Variants in DLC1 observed in about 807,000 individuals in gnomAD.
DLC1 encodes the protein rho GTPase-activating protein 7.
In DLC1, 54 loss-of-function variants were observed where a neutral mutation model predicts 140.3. The ratio of observed to expected loss-of-function variants is 0.38; its 90% CI spans 0.31 to 0.48. The LOEUF (loss-of-function observed/expected upper bound fraction) is 0.48. Ranked by LOEUF, DLC1 falls within the 20% of genes least tolerant of loss-of-function variation. The pLI, the probability that DLC1 is intolerant of heterozygous loss-of-function variation, is 0.96. For synonymous variants in DLC1, 986 were observed against 728.1 expected (o/e 1.35, Z -5.70); for missense variants, 2,536 against 1,907.0 (o/e 1.33, Z -6.14).
chr8:13,123,308 C>G (rs1821262186), intron 5 of DLC1, among the ~76,000 whole-genome samples: 1 of 151,926 alleles, frequency 6.6e-6, no homozygotes, highest in Non-Finnish European at 1.5e-5. Flanking sequence ...CCTCTCATGC[C>G]CTGTCCCCCT....
At chr8:13,453,510 A>G (rs889440450) in intron 2 of DLC1, among the ~76,000 whole-genome samples, 6 of 32,516 alleles carry the variant, frequency 1.8e-4, no homozygotes, top group African/African-American at 9.4e-4. Context: ...ATGTATATAT[A>G]TATACATATA....
rs76916291 is a variant in DLC1, at chr8:13,329,920, G to C, written c.1315-24618C>G. Reference sequence around the variant, plus strand: ...ATACTTAGGTTTTATTTGTTGTAGAGTTTGAGAAAAGAACATTGCTTCATT... The same window carrying C: ...ATACTTAGGTTTTATTTGTTGTAGACTTTGAGAAAAGAACATTGCTTCATT... On this transcript the variant is annotated intron_variant, in intron 4 of 17. Coordinates refer to ENST00000276297, the MANE Select transcript of DLC1 (RefSeq NM_182643.3). Among the ~76,000 whole-genome samples, 5 of 152,180 alleles carry C rather than the reference G, an allele frequency of 3.3e-5. No homozygotes were observed. The East Asian group carries it at 9.6e-4, about 29-fold the overall frequency.
intron 5 of DLC1, among the ~76,000 whole-genome samples, chr8:13,204,130 A>T (rs751459013): frequency 2.0e-5 from 3 of 152,152 alleles, no homozygotes; most frequent in Non-Finnish European, 4.4e-5. Context: ...CTGTTCTGTT[A>T]AGGAAAATAT....
chr8:13,542,106 A>G (rs888364999), intron 1 of DLC1, among the ~76,000 whole-genome samples: 2 of 152,040 alleles, frequency 1.3e-5, no homozygotes, highest in African/African-American at 4.8e-5. Context: ...TTCGGATTGG[A>G]ATTTTTCTGT....
intron 5 of DLC1, among the ~76,000 whole-genome samples, chr8:13,188,419 C>CAAAAA (rs1178090798): frequency 0.014 from 817 of 58,710 alleles, 28 homozygotes; most frequent in South Asian, 0.023. Flanking sequence ...GACTCCGTCT[C>CAAAAA]AAAAAAAAAA....
chr8:13,349,083 C>T (rs1834511441), intron 4 of DLC1, among the ~76,000 whole-genome samples: 1 of 152,138 alleles, frequency 6.6e-6, no homozygotes, highest in South Asian at 2.1e-4. Flanking sequence ...GCCAATTCAA[C>T]AGGAGACAGG....
chr8:13,591,758 G>T (rs1703132364), intron 1 of DLC1, among the ~76,000 whole-genome samples: 1 of 152,056 alleles, frequency 6.6e-6, no homozygotes, highest in African/African-American at 2.4e-5. Flanking sequence ...TCATGGATAT[G>T]TCAGATATGA....
At chr8:13,583,086 C>T (rs1323863927) in intron 1 of DLC1, among the ~76,000 whole-genome samples, 1 of 151,160 alleles carries the variant, frequency 6.6e-6, no homozygotes, top group Non-Finnish European at 1.5e-5. Flanking sequence ...TGGTGGTGGC[C>T]GAAAGTTGAG....
At position 13,153,398 on chromosome 8, in the gene DLC1, G is replaced by A. The variant is rs572413939; in HGVS notation, c.1349-37741C>T. Among the ~76,000 whole-genome samples, 25 of 152,330 alleles carry A rather than the reference G, an allele frequency of 1.6e-4. No homozygotes were observed. The South Asian group carries it at 5.0e-3, about 30-fold the overall frequency. On this transcript the variant is annotated intron_variant, in intron 5 of 17. Transcript: ENST00000276297. Reference sequence around the variant, plus strand: ...GAAGCTGCAAACCTTCACAGTGACTGTTACAGCTCATAAACGCAGTGTGGA... The same window carrying A: ...GAAGCTGCAAACCTTCACAGTGACTATTACAGCTCATAAACGCAGTGTGGA...
At chr8:13,162,691 GCA>G (rs1040215108) in intron 5 of DLC1, among the ~76,000 whole-genome samples, 3 of 152,260 alleles carry the variant, frequency 2.0e-5, no homozygotes, top group African/African-American at 7.2e-5. Flanking sequence ...TGTAATCCCA[GCA>G]CTTTGGGAGG....
intron 5 of DLC1, among the ~76,000 whole-genome samples, chr8:13,224,742 C>T (rs577437829): frequency 3.9e-5 from 6 of 152,302 alleles, no homozygotes; most frequent in African/African-American, 1.4e-4. Flanking sequence ...ACAGGAAGGG[C>T]TAGATATGGA....
intron 5 of DLC1, among the ~76,000 whole-genome samples, chr8:13,227,686 C>G (rs1828860912): frequency 1.3e-5 from 2 of 152,156 alleles, no homozygotes; most frequent in Non-Finnish European, 2.9e-5. Context: ...GGGGGTTAGA[C>G]ATACGTGTTG....
intron 5 of DLC1, among the ~76,000 whole-genome samples, chr8:13,280,654 C>A (rs760563286): frequency 6.6e-6 from 1 of 152,046 alleles, no homozygotes; most frequent in East Asian, 1.9e-4. Flanking sequence ...ATGTTAGAGA[C>A]CTCTTCTTTT....
chr8:13,152,850 A>C (rs1398499130), intron 5 of DLC1, among the ~76,000 whole-genome samples: 2 of 137,792 alleles, frequency 1.5e-5, no homozygotes, highest in African/African-American at 5.4e-5. Context: ...GCAACCAACC[A>C]TAACTTGGTC....
In DLC1 at chr8:13,091,367, G is replaced by C; in HGVS notation, c.3806C>G (p.Ala1269Gly). The C allele has an allele frequency of 6.2e-7, 1 of 1,614,142 alleles. No homozygotes were observed. Among genetic ancestry groups the C allele is most frequent in the Non-Finnish European group, 8.5e-7 (1 of 1,180,042 alleles). ...DQKDLNENLA[A>G]TQGLAHMIAE... The stretch of plus-strand genomic sequence containing the variant: ...GATCATATGGGCCAGCCCTTGAGTG[G>C]CAGCTAGGTTTTCATTCAAATCTTT... Residue 1269 changes from alanine (A) to glycine (G), a missense_variant, in exon 14 of 18, where the codon GCC (alanine) becomes GGC (glycine). By Grantham distance (60) the Ala-to-Gly change is moderately conservative. Coordinates refer to ENST00000276297, the MANE Select transcript of DLC1 (RefSeq NM_182643.3).
chr8:13,506,275 G>A (rs1036543857), intron 1 of DLC1, among the ~76,000 whole-genome samples: 4 of 150,830 alleles, frequency 2.7e-5, no homozygotes, highest in Non-Finnish European at 5.9e-5. Context: ...GGTTGTGAGA[G>A]TGTGTGTGTG....
intron 2 of DLC1, among the ~76,000 whole-genome samples, chr8:13,441,495 G>A (rs1046428746): frequency 2.0e-5 from 3 of 152,178 alleles, no homozygotes; most frequent in African/African-American, 7.2e-5. Context: ...TAAGCGGATA[G>A]GCAACTTCAG....
chr8:13,441,369 C>T (rs1259876504), intron 2 of DLC1, among the ~76,000 whole-genome samples: 2 of 152,082 alleles, frequency 1.3e-5, no homozygotes, highest in African/African-American at 4.8e-5. Context: ...GGCAATCAGG[C>T]AGGAGAAGGA....
chr8:13,086,918 C>T (rs903788019), intron 16 of DLC1, among the ~76,000 whole-genome samples: 5 of 151,866 alleles, frequency 3.3e-5, no homozygotes, highest in African/African-American at 4.8e-5. Context: ...TCAGCTACTC[C>T]GGGGGCTGAG....
Sources: gnomAD v4.1 joint callset for allele counts (sites outside exome capture counted in the v4.1 genomes callset) on GRCh38, gnomAD v4.1.1 for gene constraint, MANE v1.5 for transcripts, NCBI Gene and HGNC (gene_info 2026-07-23, HGNC 2026-07-21) for gene names.